Variants in ERVMER34-1 observed in about 807,000 individuals in gnomAD.
ERVMER34-1 encodes the protein endogenous retrovirus group MER34 member 1, envelope.
For missense variants in ERVMER34-1, 471 were observed against 295.1 expected (o/e 1.60, Z -4.37); for synonymous variants, 199 against 111.7 (o/e 1.78, Z -4.93).
At chr4:52,747,603 C>T (rs953550487) in intron 2 of ERVMER34-1, among the ~76,000 whole-genome samples, 2 of 152,182 alleles carry the variant, frequency 1.3e-5, no homozygotes, top group African/African-American at 2.4e-5. Context: ...AGGCCACAAG[C>T]GCATGACCAG....
In ERVMER34-1 at chr4:52,744,528, G is replaced by T. The variant is rs1419726768; in HGVS notation, c.993C>A (p.Thr331=). The T allele has an allele frequency of 8.5e-6, 6 of 703,924 alleles. No individual in the cohort carries two copies. Among genetic ancestry groups the T allele is most frequent in the Non-Finnish European group, 1.6e-5 (6 of 385,006 alleles). 43.6% of individuals were successfully genotyped at this position (703,924 alleles called of 1,614,324 possible). A position where few individuals can be genotyped will look rare whatever the true frequency, so the allele number is the denominator to read the frequency against. Residue 331 remains threonine, a synonymous_variant, in exon 3 of 3, where the codon ACC becomes ACA. Coordinates refer to ENST00000443173, the MANE Select transcript of ERVMER34-1 (RefSeq NM_001242690.2). The part of the protein sequence containing the change: ...YLVPSLTRYL[T]LNASQITNLR... The stretch of plus-strand genomic sequence containing the variant: ...GGTTTGTAATTTGGCTAGCATTTAA[G>T]GTGAGGTATCTGGTGAGGGAAGGTA...
At position 52,744,930 on chromosome 4, in the gene ERVMER34-1, G is replaced by C; in HGVS notation, c.591C>G (p.Ser197Arg). 1 of 704,126 alleles carries C rather than the reference G, an allele frequency of 1.4e-6. No homozygotes were observed. Among genetic ancestry groups the C allele is most frequent in the South Asian group, 1.5e-5 (1 of 67,590 alleles). The allele number at this position is 704,126 out of a possible 1,614,324, so 43.6% of individuals were successfully genotyped here. A position where few individuals can be genotyped will look rare whatever the true frequency, so the allele number is the denominator to read the frequency against. Residue 197 changes from serine (S) to arginine (R), a missense_variant, in exon 3 of 3, where the codon AGC becomes AGG. By Grantham distance (110) the Ser-to-Arg change is moderately radical. Coordinates refer to ENST00000443173, the MANE Select transcript of ERVMER34-1 (RefSeq NM_001242690.2). ...FAGCTNRTWN[S>R]SAVPLIGLPN... ...GCAGACCAATCAAGGGAACAGCTGA[G>C]CTGTTCCAGGTCCGGTTTGTGCAAC... is the stretch of plus-strand genomic sequence containing the variant.
At position 52,745,806 on chromosome 4, in the gene ERVMER34-1, C is replaced by T. The variant is rs1716142857; in HGVS notation, c.-286G>A. On this transcript the variant is annotated 5_prime_UTR_variant, in exon 3 of 3. Coordinates refer to ENST00000443173, the MANE Select transcript of ERVMER34-1 (RefSeq NM_001242690.2). ...TCATATAATGATCTCAATCTAGCTT[C>T]CTGTGGCTTGTACAAATTCAGGAAT... is the stretch of plus-strand genomic sequence containing the variant. 1 of 392,620 alleles carries T rather than the reference C, an allele frequency of 2.5e-6. No individual in the cohort carries two copies. Among genetic ancestry groups the T allele is most frequent in the African/African-American group, 2.0e-5 (1 of 49,618 alleles). 24.3% of individuals were successfully genotyped at this position (392,620 alleles called of 1,614,324 possible).
In ERVMER34-1 at chr4:52,744,203, C is replaced by G. The variant is rs1248962444; in HGVS notation, c.1318G>C (p.Val440Leu). 8 of 703,978 alleles carry G rather than the reference C, an allele frequency of 1.1e-5. No individual in the cohort carries two copies. Among genetic ancestry groups the G allele is most frequent in the Non-Finnish European group, 2.1e-5 (8 of 385,018 alleles). 43.6% of individuals were successfully genotyped at this position (703,978 alleles called of 1,614,324 possible). A position where few individuals can be genotyped will look rare whatever the true frequency, so the allele number is the denominator to read the frequency against. ...ATATAGAGGCAACACTGTTTGCCAACAGTTCCACAAGCCGTTTGTCGTTGG... is the reference window on the plus strand; with the variant it reads ...ATATAGAGGCAACACTGTTTGCCAAGAGTTCCACAAGCCGTTTGTCGTTGG... ...TTQRQTACGT[V>L]GKQCCLYINY... The change falls in exon 3 of 3, where the codon GTT (valine) becomes CTT (leucine). Residue 440 changes from valine (V) to leucine (L), a missense_variant. Val to Leu is a conservative substitution (Grantham distance 32, BLOSUM62 1). Transcript: ENST00000443173.
At chr4:52,747,759 C>T (rs73248698) in intron 2 of ERVMER34-1, among the ~76,000 whole-genome samples, 4 of 152,140 alleles carry the variant, frequency 2.6e-5, no homozygotes, top group African/African-American at 4.8e-5. Context: ...GAGATGCAGC[C>T]GGGCACAGTG....
Position 52,744,163 on chromosome 4 carries a change from T to C in ERVMER34-1, c.1358A>G (p.Glu453Gly). The change falls in exon 3 of 3, where the codon GAA becomes GGA. Residue 453 changes from glutamate (E) to glycine (G), a missense_variant. Transcript: ENST00000443173. ...QCCLYINYSE[E>G]IKSNIQRLHE... ...GAGACGCTGTATATTAGACTTTATTTCTTCCGAATAATTTATATAGAGGCA... is the reference window on the plus strand; with the variant it reads ...GAGACGCTGTATATTAGACTTTATTCCTTCCGAATAATTTATATAGAGGCA... 1.4e-6 allele frequency: 1 copy of C among 704,112 alleles called. No homozygotes were observed. The highest frequency in any genetic ancestry group is 2.6e-6 in the Non-Finnish European group (1 of 385,002). 43.6% of individuals were successfully genotyped at this position (704,112 alleles called of 1,614,324 possible). A position where few individuals can be genotyped will look rare whatever the true frequency, so the allele number is the denominator to read the frequency against.
In ERVMER34-1 at chr4:52,744,223, CG is replaced by C; in HGVS notation, c.1297del (p.Arg433AspfsTer16). 1.4e-6 allele frequency: 1 copy of C among 704,042 alleles called. No homozygotes were observed. Among genetic ancestry groups the C allele is most frequent in the Admixed American group, 2.0e-5 (1 of 50,004 alleles). 43.6% of individuals were successfully genotyped at this position (704,042 alleles called of 1,614,324 possible). A position where few individuals can be genotyped will look rare whatever the true frequency, so the allele number is the denominator to read the frequency against. On this transcript the variant is annotated frameshift_variant, in exon 3 of 3. Coordinates refer to ENST00000443173, the MANE Select transcript of ERVMER34-1 (RefSeq NM_001242690.2). LOFTEE classifies it low-confidence loss of function (END_TRUNC). ...GCCAACAGTTCCACAAGCCGTTTGT[CG>C]TTGGGTGGTCGGTATATCCAAGACA... is the stretch of plus-strand genomic sequence containing the variant. The part of the protein sequence containing the change: ...DHVLDIPTTQ[R>X]QTACGTVGKQ...
intron 2 of ERVMER34-1, among the ~76,000 whole-genome samples, chr4:52,746,314 C>T (rs753501740): frequency 3.3e-5 from 5 of 152,154 alleles, no homozygotes; most frequent in Admixed American, 6.6e-5. Flanking sequence ...GCCACCATAC[C>T]GGTCAGTATT....
chr4:52,749,825 A>T (rs1716242120), intron 2 of ERVMER34-1, among the ~76,000 whole-genome samples: 1 of 152,044 alleles, frequency 6.6e-6, no homozygotes, highest in South Asian at 2.1e-4. Context: ...AACTCTTATA[A>T]ACAAAATTCT....
rs1190847116 is a variant in ERVMER34-1, at chr4:52,744,094, C to T, written c.1427G>A (p.Trp476Ter). ...ENLKNVPLLD[W>*]QGIFAKVGDW... The stretch of plus-strand genomic sequence containing the variant: ...TCCCACTTTTGCAAATATGCCTTGC[C>T]AATCAAGTAACGGTACATTCTTCAG... Residue 476 changes from tryptophan (W) to a stop codon, truncating the protein, a stop_gained, in exon 3 of 3, where the codon TGG becomes TAG. Coordinates refer to ENST00000443173, the MANE Select transcript of ERVMER34-1 (RefSeq NM_001242690.2). LOFTEE classifies it low-confidence loss of function (END_TRUNC). 1.4e-6 allele frequency: 1 copy of T among 704,040 alleles called. No individual in the cohort carries two copies. Among genetic ancestry groups the T allele is most frequent in the African/African-American group, 1.7e-5 (1 of 57,246 alleles). The allele number at this position is 704,040 out of a possible 1,614,324, so 43.6% of individuals were successfully genotyped here.
Position 52,749,963 on chromosome 4 carries a change from A to AGAT in ERVMER34-1, c.-424+964_-424+966dup, listed in dbSNP as rs746634651. On this transcript the variant is annotated intron_variant, in intron 2 of 2. Coordinates refer to ENST00000443173, the MANE Select transcript of ERVMER34-1 (RefSeq NM_001242690.2). ...GTCCTTGGCAGTTTGGAAACCCCAT[A>AGAT]GATGATGATGATGATGATTTGAGAC... Among the ~76,000 whole-genome samples the AGAT allele has an allele frequency of 3.9e-5, 6 of 152,120 alleles. No individual in the cohort carries two copies. The East Asian group carries it at 5.8e-4, about 15-fold the overall frequency.
At position 52,745,154 on chromosome 4, in the gene ERVMER34-1, A is replaced by C. The variant is rs1716118705; in HGVS notation, c.367T>G (p.Phe123Val). The change falls in exon 3 of 3, where the codon TTT becomes GTT. Residue 123 changes from phenylalanine to valine, a missense_variant. By Grantham distance (50) the Phe-to-Val change is conservative (BLOSUM62 -1). Coordinates refer to ENST00000443173, the MANE Select transcript of ERVMER34-1 (RefSeq NM_001242690.2). ...FAQVRLLEGNFSLCVENKNGS... is the reference protein window; with the variant it reads ...FAQVRLLEGNVSLCVENKNGS... ...TTTTTATTTTCTACGCAAAGAGAAA[A>C]ATTTCCCTCCAATAACCTTACTTGA... is the stretch of plus-strand genomic sequence containing the variant. 2 of 703,950 alleles carry C rather than the reference A, an allele frequency of 2.8e-6. No homozygotes were observed. Among genetic ancestry groups the C allele is most frequent in the Non-Finnish European group, 5.2e-6 (2 of 385,006 alleles). The allele number at this position is 703,950 out of a possible 1,614,324, so 43.6% of individuals were successfully genotyped here.
rs1716134869 is a variant in ERVMER34-1, at chr4:52,745,663, T to A, written c.-143A>T. On this transcript the variant is annotated 5_prime_UTR_variant, in exon 3 of 3. Coordinates refer to ENST00000443173, the MANE Select transcript of ERVMER34-1 (RefSeq NM_001242690.2). ...TGTTTCAGCTAGTTGGAGATGGAGA[T>A]GAAGTTCTTGGTCTGAGATACTGAG... 4.9e-6 allele frequency: 3 copies of A among 610,832 alleles called. No individual in the cohort carries two copies. In the East Asian group the frequency reaches 8.2e-5, roughly 17 times the overall value. 37.8% of individuals were successfully genotyped at this position (610,832 alleles called of 1,614,324 possible).
At chr4:52,749,678 A>G (rs143518589) in intron 2 of ERVMER34-1, among the ~76,000 whole-genome samples, 2 of 152,024 alleles carry the variant, frequency 1.3e-5, no homozygotes, top group Non-Finnish European at 2.9e-5. Context: ...TGGCTTGTGC[A>G]TGTCTTCCCA....
intron 2 of ERVMER34-1, among the ~76,000 whole-genome samples, chr4:52,749,727 T>G (rs1173776351): frequency 1.3e-5 from 2 of 152,112 alleles, no homozygotes; most frequent in Admixed American, 6.5e-5. Context: ...AGGTGGAGGT[T>G]GCAGTGAGCC....
intron 2 of ERVMER34-1, among the ~76,000 whole-genome samples, chr4:52,747,265 T>C (rs1716178274): frequency 6.6e-6 from 1 of 151,880 alleles, no homozygotes; most frequent in Admixed American, 6.6e-5. Flanking sequence ...AAAAAACCTT[T>C]CCAGCTGAGG....
intron 2 of ERVMER34-1, among the ~76,000 whole-genome samples, chr4:52,748,414 C>G (rs1466126046): frequency 6.6e-6 from 1 of 152,208 alleles, no homozygotes; most frequent in Admixed American, 6.5e-5. Flanking sequence ...GTATAGACTG[C>G]TTTCACCTGA....
At chr4:52,746,221 T>G (rs1045494259) in intron 2 of ERVMER34-1, among the ~76,000 whole-genome samples, 1 of 151,904 alleles carries the variant, frequency 6.6e-6, no homozygotes, top group Non-Finnish European at 1.5e-5. Context: ...GGTCGCACTT[T>G]GTTGCCCAGG....
In ERVMER34-1 at chr4:52,743,149, C is replaced by T. The variant is rs1203196936; in HGVS notation, c.*680G>A. Reference sequence around the variant, plus strand: ...CCTCAACACTCCCTGCATCCTACTTCCACCTGCGGCCCATTTCATAAGATG... The same window carrying T: ...CCTCAACACTCCCTGCATCCTACTTTCACCTGCGGCCCATTTCATAAGATG... On this transcript the variant is annotated 3_prime_UTR_variant, in exon 3 of 3. Transcript: ENST00000443173. 3 of 152,024 alleles carry T rather than the reference C, an allele frequency of 2.0e-5. No individual in the cohort carries two copies. Among genetic ancestry groups the T allele is most frequent in the Non-Finnish European group, 4.4e-5 (3 of 68,052 alleles). The allele number at this position is 152,024 out of a possible 1,614,324, so 9.4% of individuals were successfully genotyped here. A position where few individuals can be genotyped will look rare whatever the true frequency, so the allele number is the denominator to read the frequency against.
Sources: allele counts gnomAD v4.1 joint callset (sites outside exome capture counted in the v4.1 genomes callset), GRCh38; gene constraint gnomAD v4.1.1; transcripts MANE v1.5; gene names NCBI Gene and HGNC (gene_info 2026-07-23, HGNC 2026-07-21).